CNTN3: variants seen among roughly 807,000 people sequenced by gnomAD.
CNTN3 encodes the protein contactin-3.
Under a neutral mutation model 119.1 loss-of-function variants are expected in CNTN3, and 60 were observed. The ratio of observed to expected loss-of-function variants is 0.50; its 90% confidence interval spans 0.41 to 0.62. CNTN3 has a LOEUF of 0.62. CNTN3 is among the 20% of genes least tolerant of loss of function. The pLI is 0.00. For missense variants in CNTN3, 1,101 were observed against 1,242.4 expected, an observed-to-expected ratio of 0.89 and a Z score of 1.71; for synonymous variants, 450 against 438.7, an observed-to-expected ratio of 1.03 and a Z score of -0.32.
chr3:74,596,347 A>G (rs1704809227), intron 1 of CNTN3, among the ~76,000 whole-genome samples: 1 of 152,188 alleles, frequency 6.6e-6, no homozygotes. Context: ...TTTAACGTTC[A>G]TGTGGAACCA....
intron 2 of CNTN3, among the ~76,000 whole-genome samples, chr3:74,515,867 T>C (rs1703441922): frequency 6.6e-6 from 1 of 151,960 alleles, no homozygotes; most frequent in Admixed American, 6.6e-5. Context: ...TGAGAACACT[T>C]ATTAGTTGAA....
At chr3:74,492,301 CAGAG>C (rs1702978691) in intron 3 of CNTN3, among the ~76,000 whole-genome samples, 2 of 152,038 alleles carry the variant, frequency 1.3e-5, no homozygotes, top group African/African-American at 2.4e-5. Context: ...AGTCAATAAT[CAGAG>C]AGAAATATTT....
At chr3:74,585,954 T>C (rs1293140207) in intron 1 of CNTN3, among the ~76,000 whole-genome samples, 3 of 152,168 alleles carry the variant, frequency 2.0e-5, no homozygotes, top group Non-Finnish European at 2.9e-5. Flanking sequence ...AATTCTTTTC[T>C]TGTAACTTCC....
chr3:74,389,227 G>A (rs1028916215), intron 5 of CNTN3, among the ~76,000 whole-genome samples: 6 of 152,056 alleles, frequency 3.9e-5, no homozygotes, highest in African/African-American at 4.8e-5. Flanking sequence ...CCTTTATGTG[G>A]TAACTGAATT....
intron 17 of CNTN3, 27 bp downstream of exon 17, chr3:74,299,841 T>C (rs763133429): frequency 5.7e-6 from 9 of 1,589,692 alleles, no homozygotes; most frequent in Non-Finnish European, 7.7e-6. Context: ...AAGACCCTGA[T>C]GGGGAAGATG....
chr3:74,281,400 G>A (rs146096060), intron 20 of CNTN3, among the ~76,000 whole-genome samples: 99 of 152,114 alleles, frequency 6.5e-4, no homozygotes, highest in South Asian at 2.7e-3. Flanking sequence ...GCACAATTAC[G>A]GTTCAGTGCA....
At chr3:74,447,428 T>A (rs77419796) in intron 4 of CNTN3, among the ~76,000 whole-genome samples, 3,164 of 152,290 alleles carry the variant, frequency 0.021, 100 homozygotes, top group African/African-American at 0.067. Flanking sequence ...ATGGGTCCCC[T>A]GGGACATATG....
intron 1 of CNTN3, among the ~76,000 whole-genome samples, chr3:74,543,004 T>C (rs1272306518): frequency 6.6e-6 from 1 of 152,094 alleles, no homozygotes; most frequent in Admixed American, 6.5e-5. Flanking sequence ...GTGCCTGTAG[T>C]GTAGTCCCAG....
chr3:74,458,825 A>G (rs1702315298), intron 4 of CNTN3, among the ~76,000 whole-genome samples: 1 of 152,050 alleles, frequency 6.6e-6, no homozygotes, highest in Admixed American at 6.6e-5. Context: ...GAATGTTTAC[A>G]TATAAAATTA....
At chr3:74,543,668 C>T (rs1013035684) in intron 1 of CNTN3, among the ~76,000 whole-genome samples, 1 of 151,772 alleles carries the variant, frequency 6.6e-6, no homozygotes, top group South Asian at 2.1e-4. Context: ...TAATTTGTAC[C>T]CCTCCTCCTA....
chr3:74,301,954 T>C (rs1702468535), intron 14 of CNTN3, 149 bp from the exon 15 acceptor site: 1 of 742,658 alleles, frequency 1.3e-6, no homozygotes, highest in Non-Finnish European at 2.2e-6. Context: ...ATTTACCTGG[T>C]AATAGAACAA....
At chr3:74,394,732 C>A (rs1397836562) in intron 5 of CNTN3, among the ~76,000 whole-genome samples, 2 of 152,056 alleles carry the variant, frequency 1.3e-5, no homozygotes, top group Non-Finnish European at 2.9e-5. Flanking sequence ...GCTTATAAGC[C>A]TTTGCAACAA....
chr3:74,454,281 CT>C (rs1353344495), intron 4 of CNTN3, among the ~76,000 whole-genome samples: 46 of 135,052 alleles, frequency 3.4e-4, no homozygotes, highest in African/African-American at 1.1e-3. Flanking sequence ...TTCTTTGTCT[CT>C]TTTGATCTTT....
chr3:74,455,698 T>C (rs1239216174), intron 4 of CNTN3, among the ~76,000 whole-genome samples: 3 of 152,134 alleles, frequency 2.0e-5, no homozygotes, highest in Non-Finnish European at 4.4e-5. Context: ...GTCCTTTCTG[T>C]TCGTTAGTTT....
At chr3:74,424,408 T>C (rs374020189) in intron 5 of CNTN3, among the ~76,000 whole-genome samples, 1 of 128,296 alleles carries the variant, frequency 7.8e-6, no homozygotes, top group African/African-American at 2.6e-5. Context: ...TATATATATA[T>C]ATAAAATACA....
chr3:74,601,884 C>G (rs1038437900), intron 1 of CNTN3, among the ~76,000 whole-genome samples: 2 of 152,082 alleles, frequency 1.3e-5, no homozygotes, highest in Non-Finnish European at 2.9e-5. Flanking sequence ...TAATTTCCAT[C>G]AGGGAGCTTC....
intron 2 of CNTN3, among the ~76,000 whole-genome samples, chr3:74,509,192 T>G (rs1250912008): frequency 6.6e-6 from 1 of 152,162 alleles, no homozygotes; most frequent in Non-Finnish European, 1.5e-5. Context: ...AATGTCAACC[T>G]GTGGAGGGAA....
intron 2 of CNTN3, among the ~76,000 whole-genome samples, chr3:74,516,302 T>C (rs1703449964): frequency 6.9e-6 from 1 of 145,270 alleles, no homozygotes; most frequent in Non-Finnish European, 1.5e-5. Flanking sequence ...GATTTTCTTT[T>C]GCCTCTGCCA....
chr3:74,507,619 T>C (rs1156649141), intron 2 of CNTN3, among the ~76,000 whole-genome samples: 1 of 134,774 alleles, frequency 7.4e-6, no homozygotes, highest in Non-Finnish European at 1.5e-5. Flanking sequence ...CTTTTCTTTC[T>C]TTCTTTCTTT....
Sources: allele counts gnomAD v4.1 joint callset (sites outside exome capture counted in the v4.1 genomes callset), GRCh38; gene constraint gnomAD v4.1.1; transcripts MANE v1.5; gene names NCBI Gene and HGNC (gene_info 2026-07-23, HGNC 2026-07-21).